DACH2: variants seen among roughly 807,000 people sequenced by gnomAD.
DACH2 encodes dachshund homolog 2.
In DACH2, 17 loss-of-function variants were observed where a neutral mutation model predicts 35.8. That is an observed-to-expected ratio of 0.48 (90% CI 0.33 to 0.71). The LOEUF (loss-of-function observed/expected upper bound fraction) is 0.71, where lower values mean the gene tolerates loss of function less well. Ranked by LOEUF, DACH2 falls within the 30% of genes least tolerant of loss-of-function variation. The pLI is 0.02. For missense variants in DACH2, 469 were observed against 472.7 expected, an observed-to-expected ratio of 0.99 and a Z score of 0.07; for synonymous variants, 195 against 177.3, an observed-to-expected ratio of 1.10 and a Z score of -0.79.
At chrX:86,673,601 G>C (rs897576519) in intron 4 of DACH2, among the ~76,000 whole-genome samples, 1 of 111,321 alleles carries the variant, frequency 9.0e-6, no homozygotes, top group Admixed American at 9.6e-5. Context: ...GGAATTTTGA[G>C]TTAATGCTGA....
chrX:86,220,786 ACC>A (rs2032692389), intron 1 of DACH2, among the ~76,000 whole-genome samples: 2 of 111,270 alleles, frequency 1.8e-5, no homozygotes, highest in African/African-American at 6.5e-5. Flanking sequence ...TTTTTGAAGA[ACC>A]TCCATACTGT....
intron 2 of DACH2, among the ~76,000 whole-genome samples, chrX:86,466,307 G>T (rs1013182075): frequency 1.6e-4 from 18 of 111,215 alleles, no homozygotes; most frequent in Admixed American, 4.8e-4. Context: ...CCCACAACAT[G>T]CAGGAACTGT....
intron 1 of DACH2, among the ~76,000 whole-genome samples, chrX:86,247,947 G>T (rs1231150545): frequency 9.0e-6 from 1 of 110,513 alleles, no homozygotes; most frequent in African/African-American, 3.3e-5. Flanking sequence ...AAACCACATG[G>T]TCATCTCAAT....
At chrX:86,459,176 C>T (rs1376594956) in intron 2 of DACH2, among the ~76,000 whole-genome samples, 1 of 111,193 alleles carries the variant, frequency 9.0e-6, no homozygotes, top group Non-Finnish European at 1.9e-5. Context: ...AAATAGCATT[C>T]TATTTTGCTC....
At chrX:86,303,871 A>G (rs1184621480) in intron 1 of DACH2, among the ~76,000 whole-genome samples, 1 of 111,277 alleles carries the variant, frequency 9.0e-6, no homozygotes, top group Non-Finnish European at 1.9e-5. Flanking sequence ...TCTTCACAGA[A>G]ATAAAAAACA....
chrX:86,712,103 TA>T (rs947518150), intron 5 of DACH2, among the ~76,000 whole-genome samples: 6 of 111,516 alleles, frequency 5.4e-5, no homozygotes, highest in Non-Finnish European at 9.4e-5. Context: ...TGAAGCAGTG[TA>T]AACAAAGAAG....
intron 3 of DACH2, among the ~76,000 whole-genome samples, chrX:86,589,504 A>G (rs1164574726): frequency 9.0e-6 from 1 of 111,528 alleles, no homozygotes; most frequent in Non-Finnish European, 1.9e-5. Flanking sequence ...CTTTTATTAA[A>G]TTGTGTTAGT....
intron 1 of DACH2, among the ~76,000 whole-genome samples, chrX:86,324,317 C>T (rs1056379015): frequency 1.3e-4 from 14 of 111,578 alleles, no homozygotes; most frequent in African/African-American, 4.6e-4. Context: ...GAGTTCCTTC[C>T]TATGGATGAC....
chrX:86,191,272 A>G (rs902088747), intron 1 of DACH2, among the ~76,000 whole-genome samples: 3 of 112,191 alleles, frequency 2.7e-5, no homozygotes, highest in African/African-American at 9.7e-5. Flanking sequence ...TGTGGTATAT[A>G]TACACCATGG....
At chrX:86,642,721 A>G (rs1049537565) in intron 3 of DACH2, among the ~76,000 whole-genome samples, 22 of 112,109 alleles carry the variant, frequency 2.0e-4, no homozygotes, top group African/African-American at 6.8e-4. Flanking sequence ...AACAATCCCC[A>G]ACAAATGGAA....
At chrX:86,724,786 C>A (rs2041446460) in intron 6 of DACH2, among the ~76,000 whole-genome samples, 1 of 111,212 alleles carries the variant, frequency 9.0e-6, no homozygotes, top group Non-Finnish European at 1.9e-5. Context: ...GTTTTCTCGA[C>A]TTTTGGTTCT....
Position 86,254,807 on chromosome X carries a change from T to TAGAGAGAGAGAGAGAG in DACH2, c.488+105715_488+105730dup, listed in dbSNP as rs755869488. The stretch of plus-strand genomic sequence containing the variant: ...ATATATATATATATATATATATATA[T>TAGAGAGAGAGAGAGAG]AGAGAGAGAGAGAGAGAGAGAGAGA... On this transcript the variant is annotated intron_variant, in intron 1 of 11. Coordinates refer to ENST00000373125, the MANE Select transcript of DACH2 (RefSeq NM_053281.3). 8.1e-4 allele frequency among the ~76,000 whole-genome samples: 40 copies of TAGAGAGAGAGAGAGAG among 49,650 alleles called. 3 individuals are homozygous for TAGAGAGAGAGAGAGAG. Among genetic ancestry groups the TAGAGAGAGAGAGAGAG allele is most frequent in the African/African-American group, 4.7e-3 (40 of 8,547 alleles). 43.1% of individuals were successfully genotyped at this position (49,650 alleles called of 115,157 possible).
At chrX:86,541,615 T>C (rs188374617) in intron 3 of DACH2, among the ~76,000 whole-genome samples, 73 of 111,787 alleles carry the variant, frequency 6.5e-4, no homozygotes, top group African/African-American at 2.2e-3. Flanking sequence ...GTAAGAATTA[T>C]ATAAAAAATT....
At chrX:86,335,211 C>CT (rs200655009) in intron 1 of DACH2, among the ~76,000 whole-genome samples, 1,898 of 111,255 alleles carry the variant, frequency 0.017, 31 homozygotes, top group African/African-American at 0.056. Context: ...CAGCTTTGTT[C>CT]TTTTTGCTTC....
At chrX:86,298,544 T>C (rs2034512801) in intron 1 of DACH2, among the ~76,000 whole-genome samples, 1 of 111,743 alleles carries the variant, frequency 8.9e-6, no homozygotes, top group Non-Finnish European at 1.9e-5. Flanking sequence ...TAAAGTGCAT[T>C]TTATGGAGCT....
intron 7 of DACH2, among the ~76,000 whole-genome samples, chrX:86,809,668 G>T (rs1454756805): frequency 9.0e-6 from 1 of 111,655 alleles, no homozygotes; most frequent in Admixed American, 9.6e-5. Flanking sequence ...ATCATAAGAA[G>T]TCATAAGTAG....
At chrX:86,544,120 G>T (rs1053106858) in intron 3 of DACH2, among the ~76,000 whole-genome samples, 1 of 111,286 alleles carries the variant, frequency 9.0e-6, no homozygotes, top group African/African-American at 3.3e-5. Context: ...AAAGAAGAAT[G>T]AACAAAATCT....
chrX:86,798,993 T>G, intron 7 of DACH2: 1 of 228,580 alleles, frequency 4.4e-6, no homozygotes, highest in South Asian at 5.2e-5. Flanking sequence ...AGAATTTTTT[T>G]CCTACTGAGC....
At position 86,644,454 on chromosome X, in the gene DACH2, C is replaced by T. The variant is rs780422134; in HGVS notation, c.641-6582C>T. Among the ~76,000 whole-genome samples the T allele has an allele frequency of 7.5e-5, 8 of 106,886 alleles. No individual in the cohort carries two copies. The South Asian group carries it at 2.0e-3, about 26-fold the overall frequency. The allele number at this position is 106,886 out of a possible 115,157, so 92.8% of individuals were successfully genotyped here. Reference sequence around the variant, plus strand: ...AATGGATGGAAAAACATTCCTTGCCCATGGATAGGAAGAATCAACTAATTA... The same window carrying T: ...AATGGATGGAAAAACATTCCTTGCCTATGGATAGGAAGAATCAACTAATTA... On this transcript the variant is annotated intron_variant, in intron 3 of 11. Transcript: ENST00000373125.
Sources: allele counts gnomAD v4.1 joint callset (sites outside exome capture counted in the v4.1 genomes callset), GRCh38; gene constraint gnomAD v4.1.1; transcripts MANE v1.5; gene names NCBI Gene and HGNC (gene_info 2026-07-23, HGNC 2026-07-21).